Variants in SYCP2L observed in about 807,000 individuals in gnomAD.
SYCP2L encodes synaptonemal complex protein 2 like.
SYCP2L carries 98 observed loss-of-function variants against 125.8 expected under a neutral mutation model. The ratio of observed to expected loss-of-function variants is 0.78; its 90% CI spans 0.66 to 0.92. The LOEUF (loss-of-function observed/expected upper bound fraction) is 0.92. SYCP2L is among the 40% of genes least tolerant of loss of function. The pLI is 0.00. For missense variants in SYCP2L, 842 were observed against 936.4 expected (o/e 0.90, Z 1.32); for synonymous variants, 317 against 325.4 (o/e 0.97, Z 0.28).
At chr6:10,895,621 G>A (rs183573213) in intron 4 of SYCP2L, among the ~76,000 whole-genome samples, 105 of 131,708 alleles carry the variant, frequency 8.0e-4, no homozygotes, top group Admixed American at 2.9e-3. Context: ...AAGGAGAAAG[G>A]AGAACAAAAG....
intron 12 of SYCP2L, among the ~76,000 whole-genome samples, chr6:10,911,908 T>C (rs1054749560): frequency 1.3e-4 from 17 of 130,596 alleles, no homozygotes; most frequent in African/African-American, 3.9e-4. Context: ...TTTTTTTTTT[T>C]TTTTTTTTTT....
In SYCP2L at chr6:10,955,319, C is replaced by T. The variant is rs1581843118; in HGVS notation, c.2056+102C>T. The T allele has an allele frequency of 1.2e-5, 8 of 674,196 alleles. No homozygotes were observed. The East Asian group carries it at 2.2e-4, about 18-fold the overall frequency. The allele number at this position is 674,196 out of a possible 1,614,324, so 41.8% of individuals were successfully genotyped here. On this transcript the variant is annotated intron_variant, in intron 24 of 29. Transcript: ENST00000283141. Reference sequence around the variant, plus strand: ...CACAAGGGAGGTATAGTTTTAAGATCATAGTAGCTACAAAATCCTAAAAAC... The same window carrying T: ...CACAAGGGAGGTATAGTTTTAAGATTATAGTAGCTACAAAATCCTAAAAAC...
intron 14 of SYCP2L, among the ~76,000 whole-genome samples, chr6:10,916,979 A>G (rs1260068883): frequency 1.3e-5 from 2 of 152,214 alleles, no homozygotes; most frequent in African/African-American, 4.8e-5. Flanking sequence ...GTGACAGAGC[A>G]AGACTCCATT....
Position 10,898,095 on chromosome 6 carries a change from G to T in SYCP2L, c.421G>T (p.Asp141Tyr). The change falls in exon 5 of 30, where the codon GAT (aspartate) becomes TAT (tyrosine). Residue 141 changes from aspartate to tyrosine, a missense_variant. Physicochemically the swap from Asp to Tyr is radical, Grantham distance 160. Coordinates refer to ENST00000283141, the MANE Select transcript of SYCP2L (RefSeq NM_001040274.3). ...CACGTCGCTGATTTGTGTTATAGAA[G>T]ATTTCTTTGACACTGCATTGGTAAG... ...SDTSLICVIE[D>Y]FFDTALIISR... 6.2e-7 allele frequency: 1 copy of T among 1,613,734 alleles called. No individual in the cohort carries two copies.
At position 10,893,862 on chromosome 6, in the gene SYCP2L, T is replaced by C. The variant is rs1780213371; in HGVS notation, c.79-5T>C. The stretch of plus-strand genomic sequence containing the variant: ...AAAGTAATTTGCAAACTATCATCTT[T>C]CCAGCTTCAATCACTTATTACGGAT... On this transcript the variant is annotated splice_polypyrimidine_tract_variant and splice_region_variant and intron_variant, in intron 2 of 29. Coordinates refer to ENST00000283141, the MANE Select transcript of SYCP2L (RefSeq NM_001040274.3). 2 of 1,604,408 alleles carry C rather than the reference T, an allele frequency of 1.2e-6. No homozygotes were observed. The highest frequency in any genetic ancestry group is 1.7e-5 in the Admixed American group (1 of 57,486).
chr6:10,898,062 G>T lies in SYCP2L; in HGVS notation c.388G>T (p.Ala130Ser), dbSNP rs1561680249. ...AGGAATTCTGACCTCGGAAGGCCTA[G>T]CCTCAGACACGTCGCTGATTTGTGT... ...TTGILTSEGLASDTSLICVIE... is the reference protein window; with the variant it reads ...TTGILTSEGLSSDTSLICVIE... Residue 130 changes from alanine to serine, a missense_variant, in exon 5 of 30, where the codon GCC (alanine) becomes TCC (serine). Transcript: ENST00000283141. 6.2e-7 allele frequency: 1 copy of T among 1,614,192 alleles called. No homozygotes were observed. The highest frequency in any genetic ancestry group is 2.2e-5 in the East Asian group (1 of 44,888).
intron 17 of SYCP2L, among the ~76,000 whole-genome samples, 192 bp from the exon 18 acceptor site, chr6:10,928,211 G>C (rs1047639190): frequency 6.6e-6 from 1 of 151,704 alleles, no homozygotes; most frequent in African/African-American, 2.4e-5. Context: ...CAAGGGTATT[G>C]TGATACCCTT....
intron 21 of SYCP2L, among the ~76,000 whole-genome samples, chr6:10,939,783 C>T (rs1453231441): frequency 6.6e-6 from 1 of 152,216 alleles, no homozygotes; most frequent in Non-Finnish European, 1.5e-5. Context: ...GGAAACAGCT[C>T]TTTGACATTG....
chr6:10,970,704 A>C (rs574664410), intron 29 of SYCP2L, among the ~76,000 whole-genome samples: 3 of 152,184 alleles, frequency 2.0e-5, no homozygotes, highest in Non-Finnish European at 4.4e-5. Flanking sequence ...GGTGAGATTC[A>C]GGACATGCAT....
At position 10,954,064 on chromosome 6, in the gene SYCP2L, G is replaced by A. The variant is rs957537318; in HGVS notation, c.1955-1052G>A. On this transcript the variant is annotated intron_variant, in intron 23 of 29. Coordinates refer to ENST00000283141, the MANE Select transcript of SYCP2L (RefSeq NM_001040274.3). The surrounding 1 kb of genome is among the most constrained non-coding windows in gnomAD (Gnocchi z 4.8). ...CTTTACCTCTCACTATCTGCCAGCC[G>A]CATCGCCCTGCCTCTCGCACATAGT... Among the ~76,000 whole-genome samples the A allele has an allele frequency of 1.3e-5, 2 of 152,160 alleles. No individual in the cohort carries two copies. Among genetic ancestry groups the A allele is most frequent in the African/African-American group, 2.4e-5 (1 of 41,438 alleles).
chr6:10,941,395 T>C lies in SYCP2L; in HGVS notation c.1814-1064T>C, dbSNP rs1285259757. On this transcript the variant is annotated intron_variant, in intron 21 of 29. Coordinates refer to ENST00000283141, the MANE Select transcript of SYCP2L (RefSeq NM_001040274.3). The stretch of plus-strand genomic sequence containing the variant: ...ACAGAATGGGAGAAAATTTTTGCCA[T>C]CTACTCATCTGACAAAGGGCTAATA... Among the ~76,000 whole-genome samples, 5 of 152,138 alleles carry C rather than the reference T, an allele frequency of 3.3e-5. No individual in the cohort carries two copies. The South Asian group carries it at 6.2e-4, about 19-fold the overall frequency.
rs113736541 is a variant in SYCP2L at position 10,953,303 on chromosome 6, A to G, written c.1955-1813A>G. ...TAAAGTGCTAAATATATTAACTGCT[A>G]TTTGTCTTAAAGTGTTAAATGTATT... On this transcript the variant is annotated intron_variant, in intron 23 of 29. Coordinates refer to ENST00000283141, the MANE Select transcript of SYCP2L (RefSeq NM_001040274.3). 4.2e-3 allele frequency among the ~76,000 whole-genome samples: 634 copies of G among 152,176 alleles called. 8 individuals carry two copies. The highest frequency in any genetic ancestry group is 0.015 in the African/African-American group (604 of 41,512).
chr6:10,913,895 G>C (rs578099995), intron 14 of SYCP2L, among the ~76,000 whole-genome samples: 1 of 151,560 alleles, frequency 6.6e-6, no homozygotes, highest in Non-Finnish European at 1.5e-5. Flanking sequence ...GCAATGGCGC[G>C]ATCTTGGCTC....
intron 15 of SYCP2L, among the ~76,000 whole-genome samples, chr6:10,925,351 G>T (rs1471204913): frequency 6.6e-6 from 1 of 152,192 alleles, no homozygotes; most frequent in African/African-American, 2.4e-5. Flanking sequence ...CTGTATCAGG[G>T]AGTCATTAGG....
intron 17 of SYCP2L, among the ~76,000 whole-genome samples, 193 bp downstream of exon 17, chr6:10,927,560 A>C (rs1459593724): frequency 6.9e-6 from 1 of 144,390 alleles, no homozygotes; most frequent in Non-Finnish European, 1.5e-5. Context: ...GTGTACGAAT[A>C]GGGTGTGGGT....
At chr6:10,923,146 CTTG>C (rs983156335) in intron 14 of SYCP2L, among the ~76,000 whole-genome samples, 1 of 151,760 alleles carries the variant, frequency 6.6e-6, no homozygotes, top group Non-Finnish European at 1.5e-5. Flanking sequence ...CTTTTTTCCC[CTTG>C]TTTCCCGTCT....
intron 18 of SYCP2L, 164 bp from the exon 19 acceptor site, chr6:10,930,206 T>G (rs1392504373): frequency 1.6e-6 from 1 of 618,474 alleles, no homozygotes; most frequent in African/African-American, 1.9e-5. Flanking sequence ...GATGGAATAA[T>G]CCTTTTCTTC....
intron 23 of SYCP2L, among the ~76,000 whole-genome samples, chr6:10,949,453 AAC>A (rs1362017479): frequency 3.9e-5 from 6 of 152,206 alleles, no homozygotes; most frequent in African/African-American, 1.4e-4. Flanking sequence ...TAGTCAGAGA[AAC>A]ACAGTCTGTA....
At chr6:10,960,081 C>T (rs1781571469) in intron 26 of SYCP2L, among the ~76,000 whole-genome samples, 1 of 151,904 alleles carries the variant, frequency 6.6e-6, no homozygotes, top group South Asian at 2.1e-4. Flanking sequence ...GGAAGTGCTT[C>T]CTGAGTGAGG....
Sources: gnomAD v4.1 joint callset for allele counts (sites outside exome capture counted in the v4.1 genomes callset) on GRCh38, gnomAD v4.1.1 for gene constraint, Gnocchi (gnomAD v3.1) non-coding constraint, MANE v1.5 for transcripts, NCBI Gene and HGNC (gene_info 2026-07-23, HGNC 2026-07-21) for gene names.